Variants in NT5C2 observed in about 807,000 individuals in gnomAD.
NT5C2 encodes 5'-nucleotidase, cytosolic II.
A neutral mutation model predicts 76.1 loss-of-function variants in NT5C2; 58 were observed. The observed-to-expected ratio is 0.76, with a 90% CI of 0.62 to 0.95. NT5C2 has a LOEUF of 0.95. Among genes scored for constraint, NT5C2 ranks in the 40% least tolerant of loss-of-function variants. The probability of loss-of-function intolerance (pLI) is 0.00; values close to 1 mark genes in which losing one functional copy is unlikely to be tolerated. For synonymous variants in NT5C2, 229 were observed against 237.4 expected (o/e 0.96, Z 0.32); for missense variants, 478 against 690.3 (o/e 0.69, Z 3.45).
intron 1 of NT5C2, among the ~76,000 whole-genome samples, chr10:103,190,908 C>T (rs2092586008): frequency 6.6e-6 from 1 of 152,168 alleles, no homozygotes; most frequent in Admixed American, 6.5e-5. Context: ...TCTCTAAATA[C>T]ATGGACATCC....
At chr10:103,099,660 G>A (rs950192129) in intron 9 of NT5C2, among the ~76,000 whole-genome samples, 1 of 151,878 alleles carries the variant, frequency 6.6e-6, no homozygotes, top group African/African-American at 2.4e-5. Flanking sequence ...TAAGTATAAT[G>A]TAATACACTA....
At chr10:103,107,588 G>A (rs781227377) in intron 4 of NT5C2, among the ~76,000 whole-genome samples, 2 of 151,942 alleles carry the variant, frequency 1.3e-5, no homozygotes, top group South Asian at 2.1e-4. Context: ...TGGGAGAATC[G>A]CTTGAACCTG....
chr10:103,162,613 T>C (rs1406643863), intron 3 of NT5C2, among the ~76,000 whole-genome samples: 1 of 152,206 alleles, frequency 6.6e-6, no homozygotes, highest in South Asian at 2.1e-4. Context: ...AGTGGAACTA[T>C]AAACTGCTAG....
At chr10:103,118,472 T>C (rs372375322) in intron 4 of NT5C2, among the ~76,000 whole-genome samples, 1 of 149,278 alleles carries the variant, frequency 6.7e-6, no homozygotes, top group Non-Finnish European at 1.5e-5. Flanking sequence ...TTCTCCCACC[T>C]CAGCCTCCAG....
intron 1 of NT5C2, among the ~76,000 whole-genome samples, chr10:103,182,565 G>A (rs2091262756): frequency 6.6e-6 from 1 of 151,610 alleles, no homozygotes; most frequent in Non-Finnish European, 1.5e-5. Flanking sequence ...AACCCAGGAG[G>A]CAGAGCTTGC....
At chr10:103,158,901 A>G (rs1233121889) in intron 3 of NT5C2, among the ~76,000 whole-genome samples, 1 of 152,124 alleles carries the variant, frequency 6.6e-6, no homozygotes, top group Non-Finnish European at 1.5e-5. Flanking sequence ...ACTATAAATA[A>G]CTATATGCCA....
intron 3 of NT5C2, among the ~76,000 whole-genome samples, chr10:103,170,632 C>T (rs1180887734): frequency 6.6e-6 from 1 of 151,338 alleles, no homozygotes; most frequent in East Asian, 1.9e-4. Context: ...AGGTGATCCT[C>T]CCACCTCAGC....
intron 3 of NT5C2, among the ~76,000 whole-genome samples, chr10:103,159,663 A>G (rs2084324572): frequency 6.6e-6 from 1 of 151,816 alleles, no homozygotes; most frequent in African/African-American, 2.4e-5. Flanking sequence ...AAAAAAAAAA[A>G]AAGAAAGAAA....
chr10:103,098,735 T>C (rs1490827302), intron 10 of NT5C2, 196 bp downstream of exon 10: 2 of 529,840 alleles, frequency 3.8e-6, no homozygotes, highest in Non-Finnish European at 6.7e-6. Flanking sequence ...CTGAGTCTTC[T>C]TGCCTATCAA....
At chr10:103,148,948 A>C (rs2081974888) in intron 3 of NT5C2, among the ~76,000 whole-genome samples, 2 of 152,216 alleles carry the variant, frequency 1.3e-5, no homozygotes, top group South Asian at 4.1e-4. Flanking sequence ...TATACTCATA[A>C]TATGAGGATA....
intron 4 of NT5C2, among the ~76,000 whole-genome samples, chr10:103,119,130 G>C (rs2075088039): frequency 6.6e-6 from 1 of 152,124 alleles, no homozygotes. Context: ...AGTACTTTGG[G>C]AAGCCAAGAT....
At chr10:103,113,538 G>A (rs968457702) in intron 4 of NT5C2, among the ~76,000 whole-genome samples, 1 of 151,802 alleles carries the variant, frequency 6.6e-6, no homozygotes, top group African/African-American at 2.4e-5. Context: ...GCACTCAAAT[G>A]CCTATACTAA....
intron 1 of NT5C2, among the ~76,000 whole-genome samples, chr10:103,185,638 G>A (rs2091915284): frequency 9.8e-6 from 1 of 102,170 alleles, no homozygotes; most frequent in Admixed American, 1.3e-4. Context: ...AACAGACAAA[G>A]ACCCTGTCTC....
chr10:103,139,637 T>C (rs535039660), intron 3 of NT5C2, among the ~76,000 whole-genome samples, 158 bp from the exon 4 acceptor site: 1 of 152,366 alleles, frequency 6.6e-6, no homozygotes, highest in Non-Finnish European at 1.5e-5. Flanking sequence ...CACGACATGC[T>C]GTTTGATATA....
At position 103,089,033 on chromosome 10, in the gene NT5C2, G is replaced by A. The variant is rs983454262; in HGVS notation, c.*639C>T. The A allele has an allele frequency of 2.8e-5, 6 of 215,084 alleles. No individual in the cohort carries two copies. Among genetic ancestry groups the A allele is most frequent in the African/African-American group, 1.4e-4 (6 of 44,372 alleles). 13.3% of individuals were successfully genotyped at this position (215,084 alleles called of 1,614,324 possible). On this transcript the variant is annotated 3_prime_UTR_variant, in exon 19 of 19. Transcript: ENST00000404739. ...ATTTGTGCTATTAAACAAACAAAAGGTAATAAGGATACTGTCTTTTCCCTC... is the reference window on the plus strand; with the variant it reads ...ATTTGTGCTATTAAACAAACAAAAGATAATAAGGATACTGTCTTTTCCCTC...
chr10:103,113,240 A>C (rs555960073), intron 4 of NT5C2, among the ~76,000 whole-genome samples: 136 of 152,330 alleles, frequency 8.9e-4, no homozygotes, highest in African/African-American at 3.0e-3. Context: ...ATTGCAAGCA[A>C]ATGCAAAATT....
intron 4 of NT5C2, among the ~76,000 whole-genome samples, chr10:103,119,935 CAA>C (rs1012482109): frequency 1.3e-5 from 2 of 151,768 alleles, no homozygotes; most frequent in African/African-American, 4.8e-5. Context: ...CCCATTTCTA[CAA>C]AAAATAAAAA....
At chr10:103,100,531 T>C (rs937458032) in intron 8 of NT5C2, 14 of 381,210 alleles carry the variant, frequency 3.7e-5, no homozygotes, top group East Asian at 7.2e-5. Context: ...ACTTTCAGTA[T>C]TGGCTATATA....
intron 3 of NT5C2, among the ~76,000 whole-genome samples, chr10:103,167,458 G>C (rs2086680780): frequency 6.6e-6 from 1 of 152,068 alleles, no homozygotes; most frequent in Non-Finnish European, 1.5e-5. Flanking sequence ...TAAAATGACA[G>C]TTTACTACTC....
Sources: gnomAD v4.1 joint callset for allele counts (sites outside exome capture counted in the v4.1 genomes callset) on GRCh38, gnomAD v4.1.1 for gene constraint, MANE v1.5 for transcripts, NCBI Gene and HGNC (gene_info 2026-07-23, HGNC 2026-07-21) for gene names.